Variants in MTSS1 observed in about 807,000 individuals in gnomAD.
MTSS1 encodes the protein protein MTSS 1.
In MTSS1, 18 loss-of-function variants were observed where a neutral mutation model predicts 79.0. The observed-to-expected ratio is 0.23, with a 90% CI of 0.16 to 0.34. The LOEUF (loss-of-function observed/expected upper bound fraction) is 0.34, where lower values mean the gene tolerates loss of function less well. MTSS1 is among the 10% of genes least tolerant of loss of function. The probability of loss-of-function intolerance (pLI) is 1.00; values close to 1 mark genes in which losing one functional copy is unlikely to be tolerated. For synonymous variants in MTSS1, 341 were observed against 368.6 expected, an observed-to-expected ratio of 0.93 and a Z score of 0.86; for missense variants, 815 against 986.2, an observed-to-expected ratio of 0.83 and a Z score of 2.33.
intron 3 of MTSS1, among the ~76,000 whole-genome samples, chr8:124,593,354 C>T (rs1328461177): frequency 6.6e-6 from 1 of 152,202 alleles, no homozygotes; most frequent in Non-Finnish European, 1.5e-5. Flanking sequence ...GTGGTAGCGT[C>T]TATCAAGAAA....
chr8:124,652,630 A>C (rs1820180231), intron 3 of MTSS1, among the ~76,000 whole-genome samples: 1 of 152,256 alleles, frequency 6.6e-6, no homozygotes, highest in Non-Finnish European at 1.5e-5. Flanking sequence ...CCCCGTCTCT[A>C]CTAAAAATAT....
rs1259522604 is a variant in MTSS1, at chr8:124,597,306, G to A, written c.209-6071C>T. Among the ~76,000 whole-genome samples, 1 of 152,174 alleles carries A rather than the reference G, an allele frequency of 6.6e-6. No homozygotes were observed. Among genetic ancestry groups the A allele is most frequent in the Non-Finnish European group, 1.5e-5 (1 of 68,042 alleles). On this transcript the variant is annotated intron_variant, in intron 3 of 13. Transcript: ENST00000518547. This position sits in a 1 kb window ranked among gnomAD's most constrained non-coding sequence, Gnocchi z 4.6. ...GGCCACATTGCTGGTCAGCAGTAGA[G>A]CCAAAATCCAAGCCTGCTTCTACGG...
chr8:124,686,719 T>C (rs988873156), intron 3 of MTSS1, among the ~76,000 whole-genome samples: 9 of 152,116 alleles, frequency 5.9e-5, no homozygotes, highest in African/African-American at 1.9e-4. Flanking sequence ...CAACCTACAA[T>C]GCACAACACG....
intron 3 of MTSS1, among the ~76,000 whole-genome samples, chr8:124,600,680 A>C (rs1044019787): frequency 3.3e-5 from 5 of 151,962 alleles, no homozygotes; most frequent in Admixed American, 6.6e-5. Flanking sequence ...ACAGATCATG[A>C]CCCCCACTCC....
chr8:124,598,488 A>T (rs146526855), intron 3 of MTSS1, among the ~76,000 whole-genome samples: 2,545 of 152,232 alleles, frequency 0.017, 42 homozygotes, highest in Non-Finnish European at 0.025. Flanking sequence ...TTCCATAAGG[A>T]GGGCTCACTG....
chr8:124,721,529 C>G (rs1398722294), intron 1 of MTSS1, among the ~76,000 whole-genome samples: 1 of 151,350 alleles, frequency 6.6e-6, no homozygotes, highest in Non-Finnish European at 1.5e-5. Flanking sequence ...CCTGCCTCAG[C>G]CTACTGAGTA....
intron 3 of MTSS1, among the ~76,000 whole-genome samples, chr8:124,672,873 A>T (rs1824528322): frequency 6.6e-6 from 1 of 150,870 alleles, no homozygotes; most frequent in Non-Finnish European, 1.5e-5. Flanking sequence ...ACACACACAC[A>T]TGCATACACA....
rs1197927927 is a variant in MTSS1 at position 124,591,172 on chromosome 8, G to T, written c.272C>A (p.Ala91Asp). The T allele has an allele frequency of 6.2e-7, 1 of 1,614,076 alleles. No homozygotes were observed. The highest frequency in any genetic ancestry group is 1.3e-5 in the African/African-American group (1 of 74,928). ...TCACCTCGAAAACTGCCTCAGCTTG[G>T]CTTCAATGCTTCTGTGCCTCATGCA... is the stretch of plus-strand genomic sequence containing the variant. The part of the protein sequence containing the change: ...RMCMRHRSIE[A>D]KLRQFSSALI... Residue 91 changes from alanine to aspartate, a missense_variant, in exon 4 of 14, where the codon GCC becomes GAC. This residue lies in a region of MTSS1 where 225 missense variants were observed against 365.4 expected (regional missense o/e 0.62). Coordinates refer to ENST00000518547, the MANE Select transcript of MTSS1 (RefSeq NM_014751.6).
intron 3 of MTSS1, among the ~76,000 whole-genome samples, chr8:124,655,567 C>T (rs1441983967): frequency 6.6e-6 from 1 of 152,192 alleles, no homozygotes; most frequent in Non-Finnish European, 1.5e-5. Context: ...ACTTGCTCTG[C>T]AAAAGTCAAA....
intron 3 of MTSS1, among the ~76,000 whole-genome samples, chr8:124,627,281 G>A (rs1814882530): frequency 6.6e-6 from 1 of 152,206 alleles, no homozygotes; most frequent in Non-Finnish European, 1.5e-5. Flanking sequence ...CTCAAAAGAT[G>A]AGGGCTGGCT....
rs558595806 is a variant in MTSS1, at chr8:124,727,649, G to A, written c.72+235C>T. The A allele has an allele frequency of 7.6e-6, 5 of 659,578 alleles. No individual in the cohort carries two copies. The highest frequency in any genetic ancestry group is 7.5e-5 in the South Asian group (5 of 66,360). The allele number at this position is 659,578 out of a possible 1,614,324, so 40.9% of individuals were successfully genotyped here. On this transcript the variant is annotated intron_variant, in intron 1 of 13. Coordinates refer to ENST00000518547, the MANE Select transcript of MTSS1 (RefSeq NM_014751.6). This position sits in a 1 kb window ranked among gnomAD's most constrained non-coding sequence, Gnocchi z 4.7. ...TGCCGCCCCCTGGGACAATGAGCGG[G>A]GGAGATGGCGTGGGACAGCAGACAC...
At chr8:124,611,117 C>A (rs902426510) in intron 3 of MTSS1, among the ~76,000 whole-genome samples, 7 of 148,946 alleles carry the variant, frequency 4.7e-5, no homozygotes, top group Non-Finnish European at 7.5e-5. Context: ...CCCCCCCCCC[C>A]CAGCATGTGA....
intron 8 of MTSS1, 99 bp downstream of exon 8, chr8:124,566,972 C>G (rs1051567256): frequency 1.1e-6 from 1 of 900,858 alleles, no homozygotes; most frequent in Non-Finnish European, 1.8e-6. Flanking sequence ...GTGAATATGA[C>G]TACAATTTAA....
rs1046993683 is a variant in MTSS1 at position 124,680,514 on chromosome 8, T to C, written c.208+19012A>G. ...CCCAAGGAAAAGGTGGAAAGGATTATAGGAAAAAACAAAGGTTGTCTATGT... is the reference window on the plus strand; with the variant it reads ...CCCAAGGAAAAGGTGGAAAGGATTACAGGAAAAAACAAAGGTTGTCTATGT... On this transcript the variant is annotated intron_variant, in intron 3 of 13. Transcript: ENST00000518547. 5.9e-5 allele frequency among the ~76,000 whole-genome samples: 9 copies of C among 152,190 alleles called. No homozygotes were observed. The East Asian group carries it at 1.3e-3, about 23-fold the overall frequency.
chr8:124,666,731 G>T (rs1248215821), intron 3 of MTSS1, among the ~76,000 whole-genome samples: 2 of 152,104 alleles, frequency 1.3e-5, no homozygotes, highest in African/African-American at 2.4e-5. Flanking sequence ...GAATGAGGAG[G>T]GGTCATCAGC....
Position 124,728,154 on chromosome 8 carries a change from C to T in MTSS1, c.-199G>A, listed in dbSNP as rs1287324060. 3 of 504,040 alleles carry T rather than the reference C, an allele frequency of 6.0e-6. No homozygotes were observed. Among genetic ancestry groups the T allele is most frequent in the African/African-American group, 4.1e-5 (2 of 48,926 alleles). 31.2% of individuals were successfully genotyped at this position (504,040 alleles called of 1,614,324 possible). A position where few individuals can be genotyped will look rare whatever the true frequency, so the allele number is the denominator to read the frequency against. On this transcript the variant is annotated 5_prime_UTR_variant, in exon 1 of 14. Transcript: ENST00000518547. The surrounding 1 kb of genome is among the most constrained non-coding windows in gnomAD (Gnocchi z 6.1). ...AATAACAGTAATTTAAAAAGCCAAACCGCTCTGTAGGGTATTCGCCTACAA... is the reference window on the plus strand; with the variant it reads ...AATAACAGTAATTTAAAAAGCCAAATCGCTCTGTAGGGTATTCGCCTACAA...
chr8:124,595,381 G>C (rs2132803853), intron 3 of MTSS1, among the ~76,000 whole-genome samples: 1 of 152,292 alleles, frequency 6.6e-6, no homozygotes, highest in South Asian at 2.1e-4. Context: ...CAGGGTGTCA[G>C]GTACCACAGG....
At chr8:124,685,184 G>A (rs1826762228) in intron 3 of MTSS1, among the ~76,000 whole-genome samples, 1 of 152,162 alleles carries the variant, frequency 6.6e-6, no homozygotes, top group African/African-American at 2.4e-5. Context: ...CATCATCCCG[G>A]TACGGGGCTT....
intron 6 of MTSS1, chr8:124,580,547 T>C: frequency 6.5e-7 from 1 of 1,535,876 alleles, no homozygotes; most frequent in Non-Finnish European, 8.7e-7. Flanking sequence ...GATGGTAGAC[T>C]TACCAAGAGT....
Sources: gnomAD v4.1 joint callset for allele counts (sites outside exome capture counted in the v4.1 genomes callset) on GRCh38, gnomAD v4.1.1 for gene constraint, gnomAD v4.1.1 regional missense constraint, Gnocchi (gnomAD v3.1) non-coding constraint, MANE v1.5 for transcripts, NCBI Gene and HGNC (gene_info 2026-07-23, HGNC 2026-07-21) for gene names.